Variants in DSCAM observed in about 807,000 individuals in gnomAD.
The protein encoded by DSCAM is cell adhesion molecule DSCAM.
In DSCAM, 47 loss-of-function variants were observed where a neutral mutation model predicts 217.7. That is an observed-to-expected ratio of 0.22 (90% CI 0.17 to 0.28). The LOEUF (loss-of-function observed/expected upper bound fraction) is 0.28. Ranked by LOEUF, DSCAM falls within the 10% of genes least tolerant of loss-of-function variation. DSCAM has a pLI of 1.00. For missense variants in DSCAM, 2,080 were observed against 2,618.3 expected (o/e 0.79, Z 4.49); for synonymous variants, 1,056 against 1,015.3 (o/e 1.04, Z -0.76).
chr21:40,335,572 G>A (rs998300359), intron 8 of DSCAM, among the ~76,000 whole-genome samples: 3 of 152,110 alleles, frequency 2.0e-5, no homozygotes, highest in African/African-American at 4.8e-5. Flanking sequence ...TTACATTAAA[G>A]TATTATACCT....
chr21:40,737,717 A>G (rs546031061), intron 1 of DSCAM, among the ~76,000 whole-genome samples: 2 of 152,302 alleles, frequency 1.3e-5, no homozygotes, highest in South Asian at 4.1e-4. Flanking sequence ...ACTAAGCCAC[A>G]GGGAGAGGAA....
At chr21:40,210,316 T>C (rs543877968) in intron 11 of DSCAM, among the ~76,000 whole-genome samples, 1 of 152,330 alleles carries the variant, frequency 6.6e-6, no homozygotes, top group East Asian at 1.9e-4. Flanking sequence ...TTAATGTATA[T>C]ATTCACATTT....
intron 1 of DSCAM, among the ~76,000 whole-genome samples, chr21:40,780,564 C>T (rs4491805): frequency 0.23 from 35,038 of 151,090 alleles, 4,577 homozygotes; most frequent in African/African-American, 0.34. Flanking sequence ...AATTTCTAAT[C>T]CCCAGTTGCT....
chr21:40,509,152 T>A (rs2076238507), intron 3 of DSCAM, among the ~76,000 whole-genome samples: 1 of 152,134 alleles, frequency 6.6e-6, no homozygotes, highest in Non-Finnish European at 1.5e-5. Context: ...TTTTTGGAAG[T>A]TGATGTCAGT....
At chr21:40,578,403 G>T (rs436549) in intron 3 of DSCAM, among the ~76,000 whole-genome samples, 2 of 151,964 alleles carry the variant, frequency 1.3e-5, no homozygotes, top group African/African-American at 4.8e-5. Flanking sequence ...AAATGCACCA[G>T]TCAGCACTCT....
At chr21:40,795,741 G>A (rs986568087) in intron 1 of DSCAM, among the ~76,000 whole-genome samples, 3 of 152,108 alleles carry the variant, frequency 2.0e-5, no homozygotes, top group South Asian at 4.1e-4. Context: ...AAAATATGAT[G>A]GCCAGGAAGA....
chr21:40,381,074 A>AAAAAAAAAAAAAAAAAC lies in DSCAM; in HGVS notation c.509-11830_509-11829insGTTTTTTTTTTTTTTTT, dbSNP rs1569095596. The stretch of plus-strand genomic sequence containing the variant: ...CGAGACTCCGTCTCAAAAAAAAAAA[A>AAAAAAAAAAAAAAAAAC]AAAAAAAAAAGAAAATAGAACTGAT... On this transcript the variant is annotated intron_variant, in intron 3 of 32. Coordinates refer to ENST00000400454, the MANE Select transcript of DSCAM (RefSeq NM_001389.5). 1.6e-3 allele frequency among the ~76,000 whole-genome samples: 234 copies of AAAAAAAAAAAAAAAAAC among 147,062 alleles called. 2 individuals are homozygous for AAAAAAAAAAAAAAAAAC. The highest frequency in any genetic ancestry group is 5.8e-3 in the African/African-American group (220 of 37,924).
intron 3 of DSCAM, among the ~76,000 whole-genome samples, chr21:40,417,162 C>A (rs532475236): frequency 6.6e-6 from 1 of 152,064 alleles, no homozygotes; most frequent in Admixed American, 6.6e-5. Context: ...GTTAAGGTTG[C>A]GTGAACATCT....
chr21:40,178,536 A>G (rs10854401), intron 15 of DSCAM, among the ~76,000 whole-genome samples: 78,296 of 152,034 alleles, frequency 0.51, 23,022 homozygotes, highest in African/African-American at 0.83. Flanking sequence ...CTAGTTAAGC[A>G]TTACTGCTTC....
At chr21:40,703,096 A>C (rs1286231991) in intron 2 of DSCAM, among the ~76,000 whole-genome samples, 1 of 152,198 alleles carries the variant, frequency 6.6e-6, no homozygotes, top group African/African-American at 2.4e-5. Context: ...TCCTTTGAGT[A>C]GATCTAAGAT....
chr21:40,394,307 T>A lies in DSCAM; in HGVS notation c.509-25062A>T, dbSNP rs75714929. Among the ~76,000 whole-genome samples the A allele has an allele frequency of 1.3e-3, 191 of 152,236 alleles. 1 individual carries two copies. Among genetic ancestry groups the A allele is most frequent in the African/African-American group, 4.3e-3 (177 of 41,530 alleles). ...CCCTTTTTATTAGTTGAATGAGAGGTCTGAGTTTCAGCAAGATTGCATAGG... is the reference window on the plus strand; with the variant it reads ...CCCTTTTTATTAGTTGAATGAGAGGACTGAGTTTCAGCAAGATTGCATAGG... On this transcript the variant is annotated intron_variant, in intron 3 of 32. Transcript: ENST00000400454.
At chr21:40,481,473 A>G (rs1167695613) in intron 3 of DSCAM, among the ~76,000 whole-genome samples, 1 of 147,670 alleles carries the variant, frequency 6.8e-6, no homozygotes, top group Non-Finnish European at 1.5e-5. Context: ...GCAGTGAGCC[A>G]AGATCATGCC....
chr21:40,244,488 C>T (rs1214564817), intron 11 of DSCAM, among the ~76,000 whole-genome samples: 1 of 150,770 alleles, frequency 6.6e-6, no homozygotes, highest in Non-Finnish European at 1.5e-5. Context: ...AATTGTGCAG[C>T]AGTAGACTAC....
chr21:40,718,540 G>A (rs780991087), intron 1 of DSCAM, among the ~76,000 whole-genome samples: 74 of 152,124 alleles, frequency 4.9e-4, no homozygotes, highest in Admixed American at 1.3e-3. Flanking sequence ...TCTAACAACC[G>A]TCAGATCTCG....
Position 40,042,491 on chromosome 21 carries a change from C to A in DSCAM, c.5566G>T (p.Asp1856Tyr), listed in dbSNP as rs375850828. The A allele has an allele frequency of 1.9e-6, 3 of 1,614,098 alleles. No homozygotes were observed. Among genetic ancestry groups the A allele is most frequent in the Non-Finnish European group, 1.7e-6 (2 of 1,180,050 alleles). Residue 1856 changes from aspartate (D) to tyrosine (Y), a missense_variant, in exon 32 of 33, where the codon GAC becomes TAC. By Grantham distance (160) the Asp-to-Tyr change is radical. Coordinates refer to ENST00000400454, the MANE Select transcript of DSCAM (RefSeq NM_001389.5). ...QLTAGTNEYT[D>Y]SLTSSTPSES... ...GAAGGGGTGCTGGAGGTCAGACTGTCCGTGTACTCATTTGTCCCTGCCGTC... is the reference window on the plus strand; with the variant it reads ...GAAGGGGTGCTGGAGGTCAGACTGTACGTGTACTCATTTGTCCCTGCCGTC...
chr21:40,461,790 A>C (rs971935306), intron 3 of DSCAM, among the ~76,000 whole-genome samples: 1 of 152,224 alleles, frequency 6.6e-6, no homozygotes, highest in Non-Finnish European at 1.5e-5. Context: ...AAAGACTTGA[A>C]TGGCCATTGC....
intron 11 of DSCAM, among the ~76,000 whole-genome samples, chr21:40,190,325 A>G (rs2146833270): frequency 6.6e-6 from 1 of 152,318 alleles, no homozygotes; most frequent in South Asian, 2.1e-4. Flanking sequence ...TAAGCTTATC[A>G]GAAAGTGAGA....
At chr21:40,244,966 G>A (rs570471963) in intron 11 of DSCAM, among the ~76,000 whole-genome samples, 5 of 151,486 alleles carry the variant, frequency 3.3e-5, no homozygotes, top group African/African-American at 7.3e-5. Context: ...AGAGCTGAGC[G>A]AGGCACTGGG....
At chr21:40,845,468 C>A (rs548549277) in intron 1 of DSCAM, among the ~76,000 whole-genome samples, 2 of 151,978 alleles carry the variant, frequency 1.3e-5, no homozygotes, top group African/African-American at 4.8e-5. Flanking sequence ...CTTAGAGCCT[C>A]CCCTTTGCTT....
Sources: allele counts gnomAD v4.1 joint callset (sites outside exome capture counted in the v4.1 genomes callset), GRCh38; gene constraint gnomAD v4.1.1; transcripts MANE v1.5; gene names NCBI Gene and HGNC (gene_info 2026-07-23, HGNC 2026-07-21).